The following CYFIP1 variants were observed in gnomAD, a reference collection of about 807,000 sequenced individuals.
CYFIP1 encodes cytoplasmic FMR1-interacting protein 1.
A neutral mutation model predicts 163.5 loss-of-function variants in CYFIP1; 58 were observed. The observed-to-expected ratio is 0.35, with a 90% CI of 0.29 to 0.44. The LOEUF (loss-of-function observed/expected upper bound fraction) is 0.44, where lower values mean the gene tolerates loss of function less well. CYFIP1 is among the 20% of genes least tolerant of loss of function. The probability of loss-of-function intolerance (pLI) is 1.00; values close to 1 mark genes in which losing one functional copy is unlikely to be tolerated. For missense variants in CYFIP1, 1,338 were observed against 1,653.8 expected (o/e 0.81, Z 3.31); for synonymous variants, 663 against 660.7 (o/e 1.00, Z -0.05).
chr15:22,916,667 T>C (rs771714481), intron 15 of CYFIP1, 37 bp from the exon 16 acceptor site: 5 of 1,613,838 alleles, frequency 3.1e-6, no homozygotes, highest in African/African-American at 2.7e-5. Flanking sequence ...GGGGAGAAAA[T>C]ATACATGGTA....
Position 22,875,271 on chromosome 15 carries a change from A to G in CYFIP1, c.3043T>C (p.Ser1015Pro), listed in dbSNP as rs2059551340. ...LFCLLIEQSL[S>P]LEEVCDLLHA... ...AGCAGGTCACACACTTCTTCTAAAG[A>G]CTAGAGCAGAGAAAGAGAGGGTCAA... Residue 1015 changes from serine (S) to proline (P), a missense_variant and splice_region_variant, in exon 27 of 31, where the codon TCT (serine) becomes CCT (proline). This residue lies in a region of CYFIP1 where 306 missense variants were observed against 322.1 expected (regional missense o/e 0.95). Transcript: ENST00000617928. 1 of 1,613,992 alleles carries G rather than the reference A, an allele frequency of 6.2e-7. No individual in the cohort carries two copies. Among genetic ancestry groups the G allele is most frequent in the South Asian group, 1.1e-5 (1 of 91,076 alleles).
rs768284414 is a variant in CYFIP1, at chr15:22,882,849, A to C, written c.2820+19T>G. 3.7e-6 allele frequency: 6 copies of C among 1,603,718 alleles called. No individual in the cohort carries two copies. The highest frequency in any genetic ancestry group is 1.7e-5 in the Admixed American group (1 of 59,702). On this transcript the variant is annotated intron_variant, in intron 24 of 30. Transcript: ENST00000617928. ...GGAATCCAGGCTGTGTGAAAGAAGC[A>C]TGTCCAGGGAACACTCACCAGGCTC... is the stretch of plus-strand genomic sequence containing the variant.
intron 1 of CYFIP1, among the ~76,000 whole-genome samples, chr15:22,960,591 G>C (rs992859721): frequency 6.6e-6 from 1 of 152,224 alleles, no homozygotes; most frequent in African/African-American, 2.4e-5. Context: ...AGGAACAAAA[G>C]CAGAAAGCAG....
rs748865163 is a variant in CYFIP1, at chr15:22,927,998, G to C, written c.1141C>G (p.Gln381Glu). 1.3e-6 allele frequency: 2 copies of C among 1,586,250 alleles called. No individual in the cohort carries two copies. Among genetic ancestry groups the C allele is most frequent in the Non-Finnish European group, 1.7e-6 (2 of 1,169,538 alleles). Reference protein sequence around the residue: ...VVTGSGRQEAQKTDAEYRKLF... With the variant: ...VVTGSGRQEAEKTDAEYRKLF... ...TTGCGGTACTCCGCGTCCGTCTTCT[G>C]GGCCTCCTGGCGGCCCGAGCCCGTG... Residue 381 changes from glutamine to glutamate, a missense_variant, in exon 12 of 31, where the codon CAG becomes GAG. Around this residue, in one of 4 missense-constraint regions of CYFIP1, gnomAD observed 824 missense variants for 995.7 expected, o/e 0.83. Transcript: ENST00000617928.
In CYFIP1 at chr15:22,947,280, C is replaced by T. The variant is rs748234246; in HGVS notation, c.6G>A (p.Ala2=). Residue 2 remains alanine (A), a synonymous_variant, in exon 2 of 31, where the codon GCG becomes GCA. Transcript: ENST00000617928. M[A]AQVTLEDALS... ...GCGCGTCCTCCAGAGTCACCTGGGC[C>T]GCCATCCTGGGCTGGAACAACACAT... is the stretch of plus-strand genomic sequence containing the variant. 3.0e-5 allele frequency: 49 copies of T among 1,613,628 alleles called. No homozygotes were observed. The highest frequency in any genetic ancestry group is 6.7e-5 in the Admixed American group (4 of 59,986).
chr15:22,896,146 G>C (rs1396826923), intron 22 of CYFIP1, among the ~76,000 whole-genome samples: 1 of 152,124 alleles, frequency 6.6e-6, no homozygotes, highest in African/African-American at 2.4e-5. Context: ...GTGGAGGACT[G>C]TGCCCTCAGA....
intron 11 of CYFIP1, among the ~76,000 whole-genome samples, chr15:22,930,187 AAAAAAACACAC>A (rs1365003396): frequency 4.0e-5 from 6 of 151,528 alleles, no homozygotes; most frequent in African/African-American, 1.5e-4. Context: ...TGTCTCTACT[AAAAAAACACAC>A]AAAAAACACA....
intron 9 of CYFIP1, 72 bp downstream of exon 9, chr15:22,937,032 G>A: frequency 9.9e-7 from 1 of 1,012,166 alleles, no homozygotes; most frequent in Non-Finnish European, 1.6e-6. Context: ...CAGTCACACA[G>A]GGGCTCACTT....
At chr15:22,928,773 T>C (rs1160621556) in intron 11 of CYFIP1, among the ~76,000 whole-genome samples, 1 of 152,186 alleles carries the variant, frequency 6.6e-6, no homozygotes, top group Non-Finnish European at 1.5e-5. Context: ...AAATATTTTA[T>C]ATATTTAGGA....
intron 22 of CYFIP1, 134 bp downstream of exon 22, chr15:22,903,572 G>A (rs1211636427): frequency 3.6e-5 from 33 of 921,372 alleles, no homozygotes; most frequent in Middle Eastern, 2.6e-4. Context: ...GAGGGCCTGC[G>A]TGCTCTTCAT....
rs10152678 is a variant in CYFIP1, at chr15:22,890,805, C to A, written c.2676+2085G>T. On this transcript the variant is annotated intron_variant, in intron 23 of 30. Coordinates refer to ENST00000617928, the MANE Select transcript of CYFIP1 (RefSeq NM_014608.6). ...CGGAGGCCGCACCTGCCAACAGCCTCGAGAACACGAACAGAGACAGGGTGG... is the reference window on the plus strand; with the variant it reads ...CGGAGGCCGCACCTGCCAACAGCCTAGAGAACACGAACAGAGACAGGGTGG... 8.3e-5 allele frequency among the ~76,000 whole-genome samples: 9 copies of A among 108,430 alleles called. No homozygotes were observed. The East Asian group carries it at 1.3e-3, about 15-fold the overall frequency. 71.1% of individuals were successfully genotyped at this position (108,430 alleles called of 152,430 possible). A position where few individuals can be genotyped will look rare whatever the true frequency, so the allele number is the denominator to read the frequency against.
chr15:22,979,876 C>T (rs192354554), intron 1 of CYFIP1, among the ~76,000 whole-genome samples: 1 of 152,328 alleles, frequency 6.6e-6, no homozygotes, highest in East Asian at 1.9e-4. Flanking sequence ...AATCTGCCTG[C>T]TCCTTACTTT....
intron 12 of CYFIP1, among the ~76,000 whole-genome samples, chr15:22,927,483 C>CAAAAAA (rs1188331935): frequency 4.4e-4 from 25 of 57,452 alleles, no homozygotes; most frequent in East Asian, 2.7e-3. Context: ...AACTCCGTCT[C>CAAAAAA]AAAAAAAAAA....
chr15:22,909,379 C>A, intron 20 of CYFIP1, 66 bp from the exon 21 acceptor site: 1 of 1,594,188 alleles, frequency 6.3e-7, no homozygotes, highest in Non-Finnish European at 8.6e-7. Flanking sequence ...CAACAAACGC[C>A]TCACCAGAGA....
chr15:22,951,038 T>TACG (rs1322392653), intron 1 of CYFIP1, among the ~76,000 whole-genome samples: 1 of 152,192 alleles, frequency 6.6e-6, no homozygotes, highest in Admixed American at 6.5e-5. Flanking sequence ...AAACATAGAC[T>TACG]ACGCAGGGTT....
intron 6 of CYFIP1, among the ~76,000 whole-genome samples, chr15:22,940,903 G>A (rs1187436904): frequency 4.6e-5 from 7 of 152,132 alleles, no homozygotes; most frequent in Non-Finnish European, 5.9e-5. Flanking sequence ...AGCCCGGTGT[G>A]GTGGCTCACA....
intron 13 of CYFIP1, among the ~76,000 whole-genome samples, chr15:22,923,030 A>AATT (rs1213062533): frequency 6.6e-6 from 1 of 152,108 alleles, no homozygotes; most frequent in East Asian, 1.9e-4. Context: ...AAGGAAACAC[A>AATT]GGAGTAAATC....
At position 22,903,914 on chromosome 15, in the gene CYFIP1, C is replaced by A. The variant is rs76396200; in HGVS notation, c.2389-9G>T. 8 of 1,613,236 alleles carry A rather than the reference C, an allele frequency of 5.0e-6. No individual in the cohort carries two copies. In the Admixed American group the frequency reaches 1.3e-4, roughly 27 times the overall value. ...AACAGGCCATCCAGCTCCTGTGGCACCAAAGACAGGGGTGGGTGACAGAGC... is the reference window on the plus strand; with the variant it reads ...AACAGGCCATCCAGCTCCTGTGGCAACAAAGACAGGGGTGGGTGACAGAGC... On this transcript the variant is annotated splice_polypyrimidine_tract_variant and intron_variant, in intron 21 of 30. Coordinates refer to ENST00000617928, the MANE Select transcript of CYFIP1 (RefSeq NM_014608.6).
At chr15:22,894,732 G>A (rs780417528) in intron 22 of CYFIP1, among the ~76,000 whole-genome samples, 1 of 150,748 alleles carries the variant, frequency 6.6e-6, no homozygotes, top group South Asian at 2.1e-4. Flanking sequence ...TTGAAGTAAT[G>A]CAATTACTCT....
Sources: gnomAD v4.1 joint callset for allele counts (sites outside exome capture counted in the v4.1 genomes callset) on GRCh38, gnomAD v4.1.1 for gene constraint, gnomAD v4.1.1 regional missense constraint, MANE v1.5 for transcripts, NCBI Gene and HGNC (gene_info 2026-07-23, HGNC 2026-07-21) for gene names.